The following HPRT1 variants were observed in gnomAD, a reference collection of about 807,000 sequenced individuals.
HPRT1 encodes hypoxanthine phosphoribosyltransferase 1.
Under a neutral mutation model 19.0 loss-of-function variants are expected in HPRT1, and 4 were observed. That is an observed-to-expected ratio of 0.21 (90% CI 0.10 to 0.48). The LOEUF (loss-of-function observed/expected upper bound fraction) is 0.48. Among genes scored for constraint, HPRT1 ranks in the 20% least tolerant of loss-of-function variants. HPRT1 has a pLI of 0.98. For synonymous variants in HPRT1, 53 were observed against 54.9 expected (o/e 0.97, Z 0.15); for missense variants, 65 against 164.0 (o/e 0.40, Z 3.30).
chrX:134,468,610 C>G (rs1440915174), intron 1 of HPRT1, among the ~76,000 whole-genome samples: 2 of 109,863 alleles, frequency 1.8e-5, no homozygotes, highest in Non-Finnish European at 3.8e-5. Flanking sequence ...ACAAAATTAG[C>G]CGGGCGTGGT....
intron 3 of HPRT1, among the ~76,000 whole-genome samples, chrX:134,483,701 G>A (rs1398710642): frequency 1.8e-5 from 2 of 111,679 alleles, no homozygotes; most frequent in Non-Finnish European, 3.8e-5. Flanking sequence ...AGCCAAGGAG[G>A]GAGGTTCGCG....
At chrX:134,482,697 G>A (rs1372539357) in intron 3 of HPRT1, among the ~76,000 whole-genome samples, 1 of 110,735 alleles carries the variant, frequency 9.0e-6, no homozygotes, top group Non-Finnish European at 1.9e-5. Context: ...TTTTTTTTTA[G>A]TAATGTGTTT....
intron 3 of HPRT1, among the ~76,000 whole-genome samples, chrX:134,476,412 T>C (rs2077625265): frequency 8.9e-6 from 1 of 112,638 alleles, no homozygotes; most frequent in South Asian, 3.6e-4. Flanking sequence ...AAAGTCTTGC[T>C]TGAATTAAAG....
chrX:134,498,445 A>G lies in HPRT1; in HGVS notation c.532+9A>G. The G allele has an allele frequency of 8.4e-7, 1 of 1,191,936 alleles. No individual in the cohort carries two copies. Among genetic ancestry groups the G allele is most frequent in the Non-Finnish European group, 1.1e-6 (1 of 877,167 alleles). Reference sequence around the variant, plus strand: ...TGGATATAAGCCAGACTGTAAGTGAATTACTTTTTTTGTCAATCATTTAAC... The same window carrying G: ...TGGATATAAGCCAGACTGTAAGTGAGTTACTTTTTTTGTCAATCATTTAAC... On this transcript the variant is annotated intron_variant, in intron 7 of 8. Coordinates refer to ENST00000298556, the MANE Select transcript of HPRT1 (RefSeq NM_000194.3).
chrX:134,464,875 T>C, intron 1 of HPRT1, among the ~76,000 whole-genome samples: 1 of 109,676 alleles, frequency 9.1e-6, no homozygotes, highest in Non-Finnish European at 1.9e-5. Flanking sequence ...CCCACATAGC[T>C]CATTTTTAGA....
chrX:134,486,430 T>C (rs763888711), intron 3 of HPRT1, 35 bp from the exon 4 acceptor site: 2 of 599,523 alleles, frequency 3.3e-6, no homozygotes, highest in Non-Finnish European at 4.8e-6. Flanking sequence ...TGTGTGTAGA[T>C]ATATATATAT....
Position 134,475,175 on chromosome X carries a change from C to T in HPRT1, c.135-6C>T. 3.4e-6 allele frequency: 4 copies of T among 1,188,127 alleles called. No individual in the cohort carries two copies. Among genetic ancestry groups the T allele is most frequent in the Non-Finnish European group, 3.4e-6 (3 of 874,904 alleles). ...TTCTATTAAATTCCTGATTTTATTT[C>T]TGTAGGACTGAACGTCTTGCTCGAG... On this transcript the variant is annotated splice_polypyrimidine_tract_variant and splice_region_variant and intron_variant, in intron 2 of 8. Transcript: ENST00000298556.
intron 3 of HPRT1, among the ~76,000 whole-genome samples, chrX:134,477,054 AT>A (rs766981571): frequency 6.2e-4 from 47 of 75,229 alleles, no homozygotes; most frequent in African/African-American, 2.0e-3. Flanking sequence ...ATTTTATTTT[AT>A]TTTATTTATT....
intron 2 of HPRT1, 115 bp downstream of exon 2, chrX:134,473,580 C>A: frequency 2.0e-6 from 1 of 487,919 alleles, no homozygotes; most frequent in Admixed American, 3.3e-5. Context: ...TATTAAATAA[C>A]TGATGCTTTC....
chrX:134,497,564 G>C (rs1186079174), intron 6 of HPRT1, among the ~76,000 whole-genome samples: 1 of 110,654 alleles, frequency 9.0e-6, no homozygotes, highest in Non-Finnish European at 1.9e-5. Context: ...AACCTGGGAG[G>C]CAGAGGTTGT....
In HPRT1 at chrX:134,466,021, C is replaced by T. The variant is rs753288846; in HGVS notation, c.27+5683C>T. Among the ~76,000 whole-genome samples the T allele has an allele frequency of 1.6e-3, 179 of 109,376 alleles. 3 individuals carry two copies. Among genetic ancestry groups the T allele is most frequent in the Admixed American group, 1.9e-3 (19 of 10,104 alleles). The allele number at this position is 109,376 out of a possible 115,157, so 95.0% of individuals were successfully genotyped here. ...CCCCATACCTTTTTTGAAGTCCTAA[C>T]CCCCAGTGTGATGGTATTTGGAGAC... On this transcript the variant is annotated intron_variant, in intron 1 of 8. Coordinates refer to ENST00000298556, the MANE Select transcript of HPRT1 (RefSeq NM_000194.3).
At chrX:134,495,125 TTGAGTA>T (rs1416961360) in intron 6 of HPRT1, among the ~76,000 whole-genome samples, 11 of 108,168 alleles carry the variant, frequency 1.0e-4, no homozygotes, top group African/African-American at 3.4e-4. Flanking sequence ...ATCGCCTCTG[TTGAGTA>T]TAAGTGGCCT....
chrX:134,493,123 T>C (rs1311417971), intron 5 of HPRT1, among the ~76,000 whole-genome samples: 1 of 112,021 alleles, frequency 8.9e-6, no homozygotes, highest in East Asian at 2.8e-4. Context: ...TTAAAAATAG[T>C]ATAAAGCATG....
intron 1 of HPRT1, among the ~76,000 whole-genome samples, chrX:134,470,363 C>T (rs2077607512): frequency 8.9e-6 from 1 of 111,985 alleles, no homozygotes; most frequent in African/African-American, 3.2e-5. Context: ...GACTGAAAGA[C>T]AGCACAAACC....
intron 6 of HPRT1, 107 bp downstream of exon 6, chrX:134,493,697 AGTAAT>A (rs2077673589): frequency 1.7e-6 from 1 of 571,464 alleles, no homozygotes; most frequent in Admixed American, 2.3e-5. Flanking sequence ...ATCTTCGAAA[AGTAAT>A]GTAATCTCAT....
chrX:134,464,591 T>G (rs1309476074), intron 1 of HPRT1, among the ~76,000 whole-genome samples: 2 of 111,935 alleles, frequency 1.8e-5, no homozygotes, highest in East Asian at 5.6e-4. Context: ...TTTGTTTGTT[T>G]TTTTTGAGAT....
chrX:134,461,604 C>G (rs1478464892), intron 1 of HPRT1, among the ~76,000 whole-genome samples: 1 of 112,200 alleles, frequency 8.9e-6, no homozygotes, highest in East Asian at 2.8e-4. Context: ...GATTATAAGA[C>G]AGTCTATGTG....
At chrX:134,494,349 C>G (rs771555369) in intron 6 of HPRT1, among the ~76,000 whole-genome samples, 34 of 112,314 alleles carry the variant, frequency 3.0e-4, no homozygotes, top group African/African-American at 9.7e-4. Context: ...CATTAAGTCT[C>G]TGATCAGTCT....
At chrX:134,471,051 A>G (rs1194911736) in intron 1 of HPRT1, among the ~76,000 whole-genome samples, 2 of 85,044 alleles carry the variant, frequency 2.4e-5, no homozygotes, top group African/African-American at 4.6e-5. Context: ...CAATCTTTTT[A>G]TCTTTTTGTA....
Sources: allele counts gnomAD v4.1 joint callset (sites outside exome capture counted in the v4.1 genomes callset), GRCh38; gene constraint gnomAD v4.1.1; transcripts MANE v1.5; gene names NCBI Gene and HGNC (gene_info 2026-07-23, HGNC 2026-07-21).